Variants in IRGM observed in about 807,000 individuals in gnomAD.
IRGM encodes the protein immunity related GTPase M, also known as immunity-related GTPase family M protein.
For missense variants in IRGM, 288 were observed against 219.9 expected (o/e 1.31, Z -1.96); for synonymous variants, 98 against 80.6 (o/e 1.22, Z -1.16).
At chr5:150,896,015 C>T (rs76474888) in intron 3 of IRGM, 20,596 of 1,613,268 alleles carry the variant, frequency 0.013, 561 homozygotes, top group African/African-American at 0.076. Flanking sequence ...TACACTCATA[C>T]GGCTTCTCTC....
downstream of IRGM, among the ~76,000 whole-genome samples, chr5:150,852,129 T>A (rs898384826): frequency 6.6e-6 from 1 of 152,158 alleles, no homozygotes; most frequent in Admixed American, 6.5e-5. Flanking sequence ...TTAGTAAAAT[T>A]TGGTATTAAG....
intron 1 of IRGM, among the ~76,000 whole-genome samples, chr5:150,877,822 G>A (rs959987758): frequency 1.3e-5 from 2 of 152,088 alleles, no homozygotes; most frequent in Non-Finnish European, 2.9e-5. Flanking sequence ...AGAATTTCAC[G>A]GGTGACCTAA....
chr5:150,887,547 T>C (rs572939290), intron 3 of IRGM, among the ~76,000 whole-genome samples: 2 of 151,632 alleles, frequency 1.3e-5, no homozygotes, highest in African/African-American at 4.8e-5. Context: ...TCCCCAACCT[T>C]GCTAGTGAGG....
Position 150,888,488 on chromosome 5 carries a change from A to C in IRGM, c.*140+8842A>C, listed in dbSNP as rs1427874157. On this transcript the variant is annotated intron_variant and NMD_transcript_variant, in intron 3 of 3. Transcript: ENST00000520549. ...AATGGATCTATAGAACTCTCCACCCAAAAATAACAGAATATACATTCTTCT... is the reference window on the plus strand; with the variant it reads ...AATGGATCTATAGAACTCTCCACCCCAAAATAACAGAATATACATTCTTCT... Among the ~76,000 whole-genome samples, 3 of 152,000 alleles carry C rather than the reference A, an allele frequency of 2.0e-5. No homozygotes were observed. In the East Asian group the frequency reaches 5.8e-4, roughly 29 times the overall value.
At chr5:150,901,630 G>A (rs1754998541), downstream of IRGM, among the ~76,000 whole-genome samples, 1 of 152,028 alleles carries the variant, frequency 6.6e-6, no homozygotes, top group Non-Finnish European at 1.5e-5. Context: ...ATTTCACAAC[G>A]ATAATCATAA....
downstream of IRGM, among the ~76,000 whole-genome samples, chr5:150,853,371 A>G (rs1048945274): frequency 7.2e-5 from 11 of 152,144 alleles, no homozygotes; most frequent in African/African-American, 2.7e-4. Context: ...AGAATGTTAC[A>G]TATTCACTTA....
intron 1 of IRGM, among the ~76,000 whole-genome samples, chr5:150,866,786 G>A (rs1477995982): frequency 1.3e-5 from 2 of 152,112 alleles, no homozygotes; most frequent in South Asian, 2.1e-4. Context: ...GTATCTTAGG[G>A]GGAACACTGA....
At chr5:150,871,227 C>A (rs910760947) in intron 1 of IRGM, among the ~76,000 whole-genome samples, 1 of 152,102 alleles carries the variant, frequency 6.6e-6, no homozygotes, top group Non-Finnish European at 1.5e-5. Flanking sequence ...TGGTTTGATA[C>A]TTGGTACTTC....
intron 3 of IRGM, chr5:150,900,507 T>C (rs978710613): frequency 6.6e-6 from 1 of 152,142 alleles, no homozygotes; most frequent in Non-Finnish European, 1.5e-5. Context: ...AGAACTTTTA[T>C]GTGTTAATGT....
chr5:150,876,676 C>T (rs1184619681), intron 1 of IRGM, among the ~76,000 whole-genome samples: 1 of 152,176 alleles, frequency 6.6e-6, no homozygotes, highest in Non-Finnish European at 1.5e-5. Flanking sequence ...CAGCCCTATT[C>T]AGGCAGAACT....
At chr5:150,863,761 C>T (rs1352586222) in intron 1 of IRGM, among the ~76,000 whole-genome samples, 1 of 152,168 alleles carries the variant, frequency 6.6e-6, no homozygotes. Flanking sequence ...TACACCTGAA[C>T]CGATAATTTC....
intron 3 of IRGM, chr5:150,897,094 G>T (rs75366692): frequency 2.7e-6 from 2 of 729,914 alleles, no homozygotes; most frequent in Non-Finnish European, 4.4e-6. Flanking sequence ...ATGGAAACAG[G>T]TCATCTCAGA....
chr5:150,894,851 T>A (rs998170405), intron 3 of IRGM: 1 of 152,232 alleles, frequency 6.6e-6, no homozygotes, highest in African/African-American at 2.4e-5. Flanking sequence ...AATGCATCAA[T>A]CTCAAGGTCC....
At position 150,848,630 on chromosome 5, in the gene IRGM, C is replaced by T; in HGVS notation, c.507C>T (p.Val169=). 6.5e-7 allele frequency: 1 copy of T among 1,544,900 alleles called. No homozygotes were observed. The highest frequency in any genetic ancestry group is 8.8e-7 in the Non-Finnish European group (1 of 1,141,872). The change falls in exon 2 of 2, where the codon GTC becomes GTT. Residue 169 remains valine, a synonymous_variant. Coordinates refer to ENST00000522154, the MANE Select transcript of IRGM (RefSeq NM_001145805.2). Reference sequence around the variant, plus strand: ...AGCTACTGCAGATCAGAGAAAATGTCCTGGAAAATCTCCAGAAGGAGCGGG... The same window carrying T: ...AGCTACTGCAGATCAGAGAAAATGTTCTGGAAAATCTCCAGAAGGAGCGGG... ...EVQLLQIREN[V]LENLQKERVC...
chr5:150,893,647 G>T (rs189514684), intron 3 of IRGM, among the ~76,000 whole-genome samples: 145 of 152,172 alleles, frequency 9.5e-4, no homozygotes, highest in African/African-American at 3.1e-3. Context: ...TGCAAAACAA[G>T]ACATCAGAGT....
intron 1 of IRGM, among the ~76,000 whole-genome samples, chr5:150,876,578 G>A (rs1198033558): frequency 6.6e-6 from 1 of 152,186 alleles, no homozygotes; most frequent in Admixed American, 6.5e-5. Context: ...CCACAGTGAA[G>A]CTAAGGAAGA....
intron 3 of IRGM, among the ~76,000 whole-genome samples, chr5:150,890,007 C>T (rs1754584545): frequency 6.6e-6 from 1 of 151,944 alleles, no homozygotes; most frequent in Non-Finnish European, 1.5e-5. Flanking sequence ...GGTTTTGTAT[C>T]ATGGTGATGC....
At chr5:150,896,628 T>TAAC (rs1754794417) in intron 3 of IRGM, 1 of 1,613,552 alleles carries the variant, frequency 6.2e-7, no homozygotes, top group African/African-American at 1.3e-5. Flanking sequence ...ATTGCTCTTA[T>TAAC]AACAACTCGG....
At chr5:150,894,887 TG>T (rs1754700204) in intron 3 of IRGM, 1 of 152,358 alleles carries the variant, frequency 6.6e-6, no homozygotes, top group South Asian at 2.1e-4. Flanking sequence ...TCAACTTATA[TG>T]CTTGAGATGG....
Sources: gnomAD v4.1 joint callset for allele counts (sites outside exome capture counted in the v4.1 genomes callset) on GRCh38, gnomAD v4.1.1 for gene constraint, MANE v1.5 for transcripts, NCBI Gene and HGNC (gene_info 2026-07-23, HGNC 2026-07-21) for gene names.